VWA3B: variants seen among roughly 807,000 people sequenced by gnomAD.
The protein encoded by VWA3B is von Willebrand factor A domain-containing protein 3B.
In VWA3B, 138 loss-of-function variants were observed where a neutral mutation model predicts 158.3. The ratio of observed to expected loss-of-function variants is 0.87; its 90% CI spans 0.76 to 1.00. The LOEUF is 1.00. Among genes scored for constraint, VWA3B ranks in the 50% least tolerant of loss-of-function variants. The pLI, the probability that VWA3B is intolerant of heterozygous loss-of-function variation, is 0.00. For synonymous variants in VWA3B, 596 were observed against 587.3 expected (o/e 1.01, Z -0.21); for missense variants, 1,555 against 1,565.1 (o/e 0.99, Z 0.11).
intron 1 of VWA3B, among the ~76,000 whole-genome samples, chr2:98,090,492 T>C (rs1377001091): frequency 6.6e-6 from 1 of 152,114 alleles, no homozygotes; most frequent in Non-Finnish European, 1.5e-5. Context: ...GGAGTTAGGG[T>C]GTGCAGGTGG....
chr2:98,147,241 TG>T (rs1677238427), intron 7 of VWA3B, among the ~76,000 whole-genome samples: 1 of 152,200 alleles, frequency 6.6e-6, no homozygotes, highest in African/African-American at 2.4e-5. Context: ...AAGTGTTGCT[TG>T]GTGCATGCAT....
intron 25 of VWA3B, among the ~76,000 whole-genome samples, 195 bp downstream of exon 25, chr2:98,300,411 T>G (rs998794072): frequency 1.3e-5 from 2 of 152,188 alleles, no homozygotes; most frequent in African/African-American, 4.8e-5. Context: ...CTCTGCTGCC[T>G]GTACTGTGCA....
chr2:98,233,576 A>G (rs904059501), intron 16 of VWA3B, among the ~76,000 whole-genome samples: 1 of 152,194 alleles, frequency 6.6e-6, no homozygotes, highest in Non-Finnish European at 1.5e-5. Context: ...TAGCTTTCTT[A>G]GTTCCTGGGT....
chr2:98,268,266 A>G (rs1297813157), intron 21 of VWA3B, among the ~76,000 whole-genome samples: 1 of 152,054 alleles, frequency 6.6e-6, no homozygotes, highest in Non-Finnish European at 1.5e-5. Flanking sequence ...AATATCCTTG[A>G]TGAACATTGA....
chr2:98,234,639 T>C lies in VWA3B; in HGVS notation c.2309-9T>C. 6.2e-7 allele frequency: 1 copy of C among 1,614,138 alleles called. No individual in the cohort carries two copies. On this transcript the variant is annotated splice_polypyrimidine_tract_variant and intron_variant, in intron 16 of 27. Coordinates refer to ENST00000477737, the MANE Select transcript of VWA3B (RefSeq NM_144992.5). The stretch of plus-strand genomic sequence containing the variant: ...ATTCCTTTAACTCTTCCCTCTGTGA[T>C]ACCAACAGAATCAACCAAAACCAGC...
rs746278831 is a variant in VWA3B, at chr2:98,211,976, C to T, written c.1784C>T (p.Ala595Val). 1.9e-6 allele frequency: 3 copies of T among 1,613,920 alleles called. No homozygotes were observed. The African/African-American group carries it at 4.0e-5, about 22-fold the overall frequency. ...CTGAGTGCCCTGAAAACTGCTTTTG[C>T]TGATAAAGAAACACAGGCAATCTAC... ...NTLSALKTAFADKETQAIYLL... is the reference protein window; with the variant it reads ...NTLSALKTAFVDKETQAIYLL... The change falls in exon 13 of 28, where the codon GCT becomes GTT. Residue 595 changes from alanine (A) to valine (V), a missense_variant. Transcript: ENST00000477737.
intron 14 of VWA3B, among the ~76,000 whole-genome samples, chr2:98,223,638 A>C (rs1684686296): frequency 6.6e-6 from 1 of 152,234 alleles, no homozygotes; most frequent in Non-Finnish European, 1.5e-5. Flanking sequence ...CCTGTTCAAG[A>C]CCAAAGAAGC....
Position 98,230,087 on chromosome 2 carries a change from GA to G in VWA3B, c.2192del (p.Lys731SerfsTer17). ...AATCTGTTCTATGATTTCAACCCCA[GA>G]AAAGTGTGCAAAGCCTCAATCTGAT... Reference protein sequence around the residue: ...KEICSMISTPEKCAKPQSDVD... With the variant: ...KEICSMISTPXKCAKPQSDVD... On this transcript the variant is annotated frameshift_variant, in exon 16 of 28. Coordinates refer to ENST00000477737, the MANE Select transcript of VWA3B (RefSeq NM_144992.5). LOFTEE classifies it high-confidence loss of function. The G allele has an allele frequency of 6.2e-7, 1 of 1,602,858 alleles. No homozygotes were observed. Among genetic ancestry groups the G allele is most frequent in the Admixed American group, 1.8e-5 (1 of 56,528 alleles).
chr2:98,108,670 T>C (rs1289763632), intron 2 of VWA3B, among the ~76,000 whole-genome samples: 3 of 152,094 alleles, frequency 2.0e-5, no homozygotes, highest in Non-Finnish European at 4.4e-5. Context: ...TCCTATTTCC[T>C]TTTTTTAAAT....
intron 9 of VWA3B, among the ~76,000 whole-genome samples, chr2:98,182,189 C>G (rs998341048): frequency 6.6e-6 from 1 of 152,212 alleles, no homozygotes; most frequent in Non-Finnish European, 1.5e-5. Flanking sequence ...AAGGCCCCCC[C>G]CTCAAATGCA....
At chr2:98,165,969 C>A (rs1032353780) in intron 8 of VWA3B, among the ~76,000 whole-genome samples, 1 of 152,106 alleles carries the variant, frequency 6.6e-6, no homozygotes, top group Non-Finnish European at 1.5e-5. Context: ...AGTGTGTGGC[C>A]TGAATTGTGC....
At chr2:98,205,512 G>T (rs949405565) in intron 12 of VWA3B, among the ~76,000 whole-genome samples, 1 of 151,862 alleles carries the variant, frequency 6.6e-6, no homozygotes, top group African/African-American at 2.4e-5. Flanking sequence ...TTTACTATTT[G>T]AATTTTATTA....
At chr2:98,218,115 A>C (rs1684189736) in intron 14 of VWA3B, 87 bp downstream of exon 14, 1 of 1,382,188 alleles carries the variant, frequency 7.2e-7, no homozygotes. Flanking sequence ...TCGTTGGGAA[A>C]ATAGCAACCA....
At chr2:98,143,946 G>A (rs537800763) in intron 7 of VWA3B, among the ~76,000 whole-genome samples, 20 of 151,370 alleles carry the variant, frequency 1.3e-4, no homozygotes, top group Non-Finnish European at 2.5e-4. Context: ...TAGAGACTGG[G>A]GTCACTATGT....
intron 2 of VWA3B, among the ~76,000 whole-genome samples, chr2:98,115,300 G>T (rs1373552748): frequency 6.6e-6 from 1 of 152,214 alleles, no homozygotes; most frequent in Non-Finnish European, 1.5e-5. Context: ...GTCGTGGGGT[G>T]GGGGAAGGCG....
chr2:98,131,005 A>G (rs1675826359), intron 6 of VWA3B, among the ~76,000 whole-genome samples: 1 of 152,168 alleles, frequency 6.6e-6, no homozygotes, highest in Non-Finnish European at 1.5e-5. Flanking sequence ...CTACTTTACC[A>G]TCGGAACATT....
At position 98,270,776 on chromosome 2, in the gene VWA3B, C is replaced by T. The variant is rs762709719; in HGVS notation, c.2938C>T (p.Leu980=). The T allele has an allele frequency of 1.9e-6, 3 of 1,614,040 alleles. No homozygotes were observed. The highest frequency in any genetic ancestry group is 1.7e-6 in the Non-Finnish European group (2 of 1,180,004). The part of the protein sequence containing the change: ...RLNWPISLKE[L]SMLESEILAG... ...GAATTGGCCCATTTCACTGAAAGAG[C>T]TGTCGATGCTGGAAAGTGAAATCCT... The change falls in exon 22 of 28, where the codon CTG becomes TTG. Residue 980 remains leucine (L), a synonymous_variant. Coordinates refer to ENST00000477737, the MANE Select transcript of VWA3B (RefSeq NM_144992.5).
intron 8 of VWA3B, among the ~76,000 whole-genome samples, chr2:98,169,890 A>AGGC (rs1354276059): frequency 2.6e-5 from 4 of 152,036 alleles, no homozygotes; most frequent in African/African-American, 4.8e-5. Flanking sequence ...AGGCTGAGGT[A>AGGC]GGCAGATCAC....
At chr2:98,329,912 A>G in the VWA3B span, among the ~76,000 whole-genome samples, 1 of 152,142 alleles carries the variant, frequency 6.6e-6, no homozygotes, top group East Asian at 1.9e-4. Flanking sequence ...CACACATTTC[A>G]CTTTGGCTGG....
Sources: allele counts gnomAD v4.1 joint callset (sites outside exome capture counted in the v4.1 genomes callset), GRCh38; gene constraint gnomAD v4.1.1; transcripts MANE v1.5; gene names NCBI Gene and HGNC (gene_info 2026-07-23, HGNC 2026-07-21).